Variants in STPG2 observed in about 807,000 individuals in gnomAD.
STPG2 encodes the protein sperm-tail PG-rich repeat-containing protein 2.
In STPG2, 56 loss-of-function variants were observed where a neutral mutation model predicts 54.2. That is an observed-to-expected ratio of 1.03 (90% CI 0.83 to 1.29). The LOEUF is 1.29. STPG2 is among the 50% of genes most tolerant of loss of function. STPG2 has a pLI of 0.00. For synonymous variants in STPG2, 200 were observed against 181.8 expected, an observed-to-expected ratio of 1.10 and a Z score of -0.81; for missense variants, 596 against 544.9, an observed-to-expected ratio of 1.09 and a Z score of -0.93.
At chr4:98,095,421 A>G (rs984922018) in intron 5 of STPG2, among the ~76,000 whole-genome samples, 1 of 152,204 alleles carries the variant, frequency 6.6e-6, no homozygotes, top group African/African-American at 2.4e-5. Context: ...TGCTGCCGAC[A>G]AGAAACACAC....
chr4:97,730,434 T>C (rs1346731006), intron 9 of STPG2, among the ~76,000 whole-genome samples: 1 of 152,212 alleles, frequency 6.6e-6, no homozygotes, highest in Non-Finnish European at 1.5e-5. Flanking sequence ...TCCATGTTTT[T>C]GCTGTTGTGA....
chr4:97,553,396 T>C (rs1417884380), intron 4 of STPG2, among the ~76,000 whole-genome samples: 1 of 152,174 alleles, frequency 6.6e-6, no homozygotes, highest in African/African-American at 2.4e-5. Flanking sequence ...TTCATCACTG[T>C]TAAATATTAC....
chr4:97,619,740 T>C (rs1166936117), intron 10 of STPG2, among the ~76,000 whole-genome samples: 1 of 152,034 alleles, frequency 6.6e-6, no homozygotes, highest in Non-Finnish European at 1.5e-5. Context: ...GAAGTTCTTC[T>C]CTCTTGCCCT....
At chr4:97,716,011 C>T (rs1372970483) in intron 9 of STPG2, among the ~76,000 whole-genome samples, 1 of 152,022 alleles carries the variant, frequency 6.6e-6, no homozygotes, top group African/African-American at 2.4e-5. Context: ...AAAAATAACC[C>T]TGTCAAAAGG....
At chr4:97,771,467 C>T (rs1194854545) in intron 9 of STPG2, among the ~76,000 whole-genome samples, 2 of 152,070 alleles carry the variant, frequency 1.3e-5, no homozygotes, top group Non-Finnish European at 2.9e-5. Context: ...TGTCAGTTTG[C>T]CCAGACCAGA....
chr4:97,635,454 A>G (rs1303945240), intron 10 of STPG2, among the ~76,000 whole-genome samples: 1 of 152,204 alleles, frequency 6.6e-6, no homozygotes, highest in Non-Finnish European at 1.5e-5. Flanking sequence ...ATAACCAGCT[A>G]ACATCATAAT....
chr4:97,468,570 A>G (rs1279530813), intron 4 of STPG2, among the ~76,000 whole-genome samples: 1 of 152,006 alleles, frequency 6.6e-6, no homozygotes, highest in Non-Finnish European at 1.5e-5. Flanking sequence ...AACGCTCTGT[A>G]TCTGGCACCT....
At chr4:97,722,996 TG>T (rs1317835737) in intron 9 of STPG2, among the ~76,000 whole-genome samples, 2 of 140,376 alleles carry the variant, frequency 1.4e-5, no homozygotes, top group Non-Finnish European at 3.1e-5. Flanking sequence ...GTATTTTTAG[TG>T]GAGACGGGGT....
chr4:97,879,496 T>C (rs982327103), intron 8 of STPG2, among the ~76,000 whole-genome samples: 1 of 152,122 alleles, frequency 6.6e-6, no homozygotes, highest in South Asian at 2.1e-4. Flanking sequence ...AGAATGAGAA[T>C]GAAGCAAAAG....
At chr4:98,018,050 G>A (rs1037542113) in intron 5 of STPG2, among the ~76,000 whole-genome samples, 5 of 151,496 alleles carry the variant, frequency 3.3e-5, no homozygotes, top group African/African-American at 1.2e-4. Context: ...TTAAGTTTTA[G>A]GGTACATGTG....
chr4:98,092,515 G>A (rs575043986), intron 5 of STPG2, among the ~76,000 whole-genome samples: 1 of 151,926 alleles, frequency 6.6e-6, no homozygotes, highest in South Asian at 2.1e-4. Flanking sequence ...CAATGATAAG[G>A]AAGAAAGTAA....
At chr4:97,651,823 G>A (rs1394878227) in intron 10 of STPG2, among the ~76,000 whole-genome samples, 1 of 151,812 alleles carries the variant, frequency 6.6e-6, no homozygotes, top group South Asian at 2.1e-4. Context: ...TGAAAAACAA[G>A]TTCACATTAT....
At chr4:97,768,716 TC>T (rs1327461409) in intron 9 of STPG2, among the ~76,000 whole-genome samples, 3 of 151,924 alleles carry the variant, frequency 2.0e-5, no homozygotes, top group African/African-American at 7.3e-5. Context: ...TTTTTTTTTT[TC>T]CCAAGAAGGA....
intron 10 of STPG2, among the ~76,000 whole-genome samples, chr4:97,675,064 T>TGCAACCTCGACTGACC (rs1200848037): frequency 6.6e-6 from 1 of 152,058 alleles, no homozygotes; most frequent in Non-Finnish European, 1.5e-5. Context: ...AGTGCAATGG[T>TGCAACCTCGACTGACC]GCAACCTCGA....
At chr4:98,126,722 T>G (rs951494031) in intron 3 of STPG2, among the ~76,000 whole-genome samples, 2 of 152,168 alleles carry the variant, frequency 1.3e-5, no homozygotes, top group Non-Finnish European at 2.9e-5. Flanking sequence ...GTCTTGTTAT[T>G]AGAACACTTA....
intron 5 of STPG2, among the ~76,000 whole-genome samples, chr4:98,061,041 T>A (rs898459133): frequency 6.6e-6 from 1 of 152,122 alleles, no homozygotes; most frequent in African/African-American, 2.4e-5. Flanking sequence ...CCAAAAGCAA[T>A]TGCAATAAAA....
At chr4:97,931,742 A>G (rs185076966) in intron 8 of STPG2, among the ~76,000 whole-genome samples, 140 of 152,070 alleles carry the variant, frequency 9.2e-4, no homozygotes, top group Admixed American at 3.6e-3. Flanking sequence ...GCATCAAGAT[A>G]ATCCTGGTCT....
At chr4:97,804,343 G>C (rs2070735643) in intron 9 of STPG2, among the ~76,000 whole-genome samples, 1 of 152,006 alleles carries the variant, frequency 6.6e-6, no homozygotes, top group African/African-American at 2.4e-5. Flanking sequence ...AAAAATTCCT[G>C]TTGCCTAGTG....
intron 9 of STPG2, among the ~76,000 whole-genome samples, chr4:97,818,448 G>GTT (rs1249271214): frequency 3.8e-4 from 58 of 150,992 alleles, no homozygotes; most frequent in African/African-American, 1.1e-3. Flanking sequence ...GTGTGAATAT[G>GTT]GTCTCTCTCT....
Sources: allele counts gnomAD v4.1 joint callset (sites outside exome capture counted in the v4.1 genomes callset), GRCh38; gene constraint gnomAD v4.1.1; transcripts MANE v1.5; gene names NCBI Gene and HGNC (gene_info 2026-07-23, HGNC 2026-07-21).